DNAJC3: variants seen among roughly 807,000 people sequenced by gnomAD.
DNAJC3 encodes dnaJ homolog subfamily C member 3.
Under a neutral mutation model 68.6 loss-of-function variants are expected in DNAJC3, and 38 were observed. The observed-to-expected ratio is 0.55, with a 90% confidence interval of 0.43 to 0.73. The LOEUF is 0.73. Ranked by LOEUF, DNAJC3 falls within the 30% of genes least tolerant of loss-of-function variation. DNAJC3 has a pLI of 0.00. For missense variants in DNAJC3, 526 were observed against 591.9 expected, an observed-to-expected ratio of 0.89 and a Z score of 1.16; for synonymous variants, 203 against 204.0, an observed-to-expected ratio of 1.00 and a Z score of 0.04.
intron 9 of DNAJC3, among the ~76,000 whole-genome samples, chr13:95,766,284 CAG>C (rs953451709): frequency 2.6e-4 from 39 of 152,214 alleles, no homozygotes; most frequent in Admixed American, 9.2e-4. Context: ...TATCAGGAAA[CAG>C]GGGATTCCAC....
chr13:95,688,294 AAGACTTCCAGTACTGT>A (rs1413398014), intron 1 of DNAJC3, among the ~76,000 whole-genome samples: 16 of 152,222 alleles, frequency 1.1e-4, no homozygotes, highest in Admixed American at 2.6e-4. Flanking sequence ...TGCTCTGGTT[AAGACTTCCAGTACTGT>A]GGCAAATAGG....
intron 1 of DNAJC3, among the ~76,000 whole-genome samples, chr13:95,707,785 A>C (rs1286611218): frequency 6.6e-6 from 1 of 152,216 alleles, no homozygotes; most frequent in Non-Finnish European, 1.5e-5. Flanking sequence ...GGAAGGACCA[A>C]CTTGCAAGAG....
intron 9 of DNAJC3, among the ~76,000 whole-genome samples, chr13:95,772,606 C>G (rs1305046584): frequency 2.0e-5 from 3 of 151,952 alleles, no homozygotes; most frequent in Non-Finnish European, 4.4e-5. Context: ...TGTTTGTTTC[C>G]TTGATGACTA....
chr13:95,764,073 GA>G, intron 9 of DNAJC3, 120 bp downstream of exon 9: 1 of 1,445,762 alleles, frequency 6.9e-7, no homozygotes, highest in Non-Finnish European at 9.2e-7. Context: ...GACAATTTTA[GA>G]AAAATGGCAG....
chr13:95,710,054 A>G (rs1465003688), intron 2 of DNAJC3, among the ~76,000 whole-genome samples: 1 of 152,158 alleles, frequency 6.6e-6, no homozygotes, highest in East Asian at 1.9e-4. Flanking sequence ...TTGCCTCTTC[A>G]GTATTGGTCA....
At chr13:95,681,018 T>A (rs899226235) in intron 1 of DNAJC3, among the ~76,000 whole-genome samples, 2 of 152,254 alleles carry the variant, frequency 1.3e-5, no homozygotes, top group African/African-American at 4.8e-5. Context: ...ACTAACTATA[T>A]TGCTCTTTGG....
chr13:95,706,896 A>G (rs561378514), intron 1 of DNAJC3, among the ~76,000 whole-genome samples: 20 of 152,290 alleles, frequency 1.3e-4, no homozygotes, highest in African/African-American at 4.6e-4. Context: ...TTTGATTTTC[A>G]GCTAAATCAG....
chr13:95,693,473 C>T (rs1373847856), intron 1 of DNAJC3: 2 of 152,162 alleles, frequency 1.3e-5, no homozygotes, highest in African/African-American at 4.8e-5. Context: ...ATAAACCCTT[C>T]CTAATTCAAT....
At chr13:95,786,871 C>T in intron 10 of DNAJC3, 136 bp from the exon 11 acceptor site, 2 of 1,002,838 alleles carry the variant, frequency 2.0e-6, no homozygotes, top group Non-Finnish European at 2.9e-6. Flanking sequence ...AGATCTTTGG[C>T]CTGTGATACC....
intron 4 of DNAJC3, among the ~76,000 whole-genome samples, chr13:95,756,755 A>G (rs867593643): frequency 2.0e-5 from 3 of 152,214 alleles, no homozygotes; most frequent in Middle Eastern, 3.4e-3. Flanking sequence ...ATAAACTACA[A>G]TCTTAACCTC....
chr13:95,775,995 A>G (rs1393946411), intron 9 of DNAJC3, among the ~76,000 whole-genome samples: 1 of 151,698 alleles, frequency 6.6e-6, no homozygotes, highest in Non-Finnish European at 1.5e-5. Context: ...TTTTATATAT[A>G]TATATATACT....
intron 3 of DNAJC3, 64 bp from the exon 4 acceptor site, chr13:95,725,114 G>C (rs547767456): frequency 9.2e-7 from 1 of 1,089,132 alleles, no homozygotes; most frequent in Non-Finnish European, 1.3e-6. Flanking sequence ...TTTATTCTTC[G>C]TGTTTAAAAA....
intron 9 of DNAJC3, among the ~76,000 whole-genome samples, chr13:95,778,735 G>A (rs1883354102): frequency 6.6e-6 from 1 of 152,204 alleles, no homozygotes; most frequent in South Asian, 2.1e-4. Context: ...TGCAGTCATA[G>A]TTGAGAATTG....
Position 95,791,919 on chromosome 13 carries a change from T to C in DNAJC3, c.*889T>C, listed in dbSNP as rs1183419483. On this transcript the variant is annotated 3_prime_UTR_variant, in exon 12 of 12. Coordinates refer to ENST00000602402, the MANE Select transcript of DNAJC3 (RefSeq NM_006260.5). ...CAAGACTGGTTTAGAAACGTAAAGT[T>C]GCGCAGTCAACATAAATAAATACAG... 1.3e-5 allele frequency: 2 copies of C among 152,240 alleles called. No individual in the cohort carries two copies. Among genetic ancestry groups the C allele is most frequent in the African/African-American group, 4.8e-5 (2 of 41,458 alleles). 9.4% of individuals were successfully genotyped at this position (152,240 alleles called of 1,614,324 possible).
In DNAJC3 at chr13:95,712,361, C is replaced by T. The variant is rs76240744; in HGVS notation, c.193+3024C>T. Among the ~76,000 whole-genome samples the T allele has an allele frequency of 1.7e-3, 246 of 147,900 alleles. 2 individuals carry two copies. The East Asian group carries it at 0.043, about 26-fold the overall frequency. ...ATCAACATTCTGCTAGAGGTCCTAG[C>T]CAATGCTTTTTTCTTTTTTTTTTTT... On this transcript the variant is annotated intron_variant, in intron 2 of 11. Coordinates refer to ENST00000602402, the MANE Select transcript of DNAJC3 (RefSeq NM_006260.5).
At chr13:95,769,988 G>A (rs996097969) in intron 9 of DNAJC3, among the ~76,000 whole-genome samples, 1 of 152,202 alleles carries the variant, frequency 6.6e-6, no homozygotes, top group Admixed American at 6.6e-5. Context: ...ATTATGAAAA[G>A]CTTAAAGTGT....
At chr13:95,720,836 A>G (rs1274591895) in intron 2 of DNAJC3, among the ~76,000 whole-genome samples, 1 of 152,026 alleles carries the variant, frequency 6.6e-6, no homozygotes. Flanking sequence ...TTGTTAAAAT[A>G]CCTAATTCCT....
In DNAJC3 at chr13:95,760,176, T is replaced by C. The variant is rs868468847; in HGVS notation, c.683T>C (p.Ile228Thr). The change falls in exon 6 of 12, where the codon ATA becomes ACA. Residue 228 changes from isoleucine to threonine, a missense_variant. Ile to Thr is a moderately conservative substitution (Grantham distance 89). Transcript: ENST00000602402. Reference protein sequence around the residue: ...KNDNTEAFYKISTLYYQLGDH... With the variant: ...KNDNTEAFYKTSTLYYQLGDH... Reference sequence around the variant, plus strand: ...GATAATACTGAAGCGTTTTATAAAATAAGCACACTGTACTACCAACTAGGA... The same window carrying C: ...GATAATACTGAAGCGTTTTATAAAACAAGCACACTGTACTACCAACTAGGA... 2 of 1,611,616 alleles carry C rather than the reference T, an allele frequency of 1.2e-6. No homozygotes were observed. The highest frequency in any genetic ancestry group is 2.7e-5 in the African/African-American group (2 of 74,900).
chr13:95,679,940 T>TA (rs1235169089), intron 1 of DNAJC3, among the ~76,000 whole-genome samples: 2 of 152,250 alleles, frequency 1.3e-5, no homozygotes, highest in Non-Finnish European at 2.9e-5. Flanking sequence ...TATTTGCCTT[T>TA]GTTTTCTTCT....
Sources: allele counts gnomAD v4.1 joint callset (sites outside exome capture counted in the v4.1 genomes callset), GRCh38; gene constraint gnomAD v4.1.1; transcripts MANE v1.5; gene names NCBI Gene and HGNC (gene_info 2026-07-23, HGNC 2026-07-21).